The following SLC39A11 variants were observed in gnomAD, a reference collection of about 807,000 sequenced individuals.
SLC39A11 encodes zinc transporter ZIP11.
A neutral mutation model predicts 36.1 loss-of-function variants in SLC39A11; 33 were observed. The ratio of observed to expected loss-of-function variants is 0.91; its 90% CI spans 0.69 to 1.22. The LOEUF (loss-of-function observed/expected upper bound fraction) is 1.22, where lower values mean the gene tolerates loss of function less well. Ranked by LOEUF, SLC39A11 falls within the 50% of genes most tolerant of loss-of-function variation. SLC39A11 has a pLI of 0.00. For synonymous variants in SLC39A11, 166 were observed against 170.3 expected (o/e 0.97, Z 0.20); for missense variants, 432 against 430.3 (o/e 1.00, Z -0.03).
chr17:72,813,339 G>A (rs1161740125), intron 6 of SLC39A11, among the ~76,000 whole-genome samples: 1 of 152,142 alleles, frequency 6.6e-6, no homozygotes, highest in Non-Finnish European at 1.5e-5. Context: ...TTTGTTTAAA[G>A]TGCTCTAAAA....
At chr17:72,652,400 C>T (rs1443302599) in intron 7 of SLC39A11, among the ~76,000 whole-genome samples, 1 of 152,210 alleles carries the variant, frequency 6.6e-6, no homozygotes, top group Non-Finnish European at 1.5e-5. Context: ...AGCTGTGCTA[C>T]TTTCCATTTC....
At chr17:72,852,830 C>G (rs1417298462) in intron 5 of SLC39A11, among the ~76,000 whole-genome samples, 1 of 152,108 alleles carries the variant, frequency 6.6e-6, no homozygotes, top group Non-Finnish European at 1.5e-5. Context: ...CAAAGCAGTC[C>G]CTGAGAGCTG....
chr17:72,749,568 G>A (rs530804969), intron 6 of SLC39A11, among the ~76,000 whole-genome samples: 1 of 152,252 alleles, frequency 6.6e-6, no homozygotes, highest in East Asian at 1.9e-4. Context: ...GGTCAGACGG[G>A]AATTATTTTT....
intron 4 of SLC39A11, among the ~76,000 whole-genome samples, chr17:73,017,527 T>A (rs1478797030): frequency 6.6e-6 from 1 of 151,854 alleles, no homozygotes; most frequent in Non-Finnish European, 1.5e-5. Context: ...AGCCTGAGCA[T>A]CATGGTGAAA....
At chr17:72,982,830 G>A (rs34236364) in intron 4 of SLC39A11, among the ~76,000 whole-genome samples, 78,898 of 151,950 alleles carry the variant, frequency 0.52, 21,434 homozygotes, top group Middle Eastern at 0.7. Context: ...GGCAGCAAGT[G>A]CAGCTAAAAT....
chr17:72,879,036 G>A (rs2081058950), intron 5 of SLC39A11, among the ~76,000 whole-genome samples: 3 of 152,202 alleles, frequency 2.0e-5, no homozygotes, highest in African/African-American at 7.2e-5. Context: ...TATTTTAAAG[G>A]ATACAGATGA....
intron 7 of SLC39A11, among the ~76,000 whole-genome samples, chr17:72,694,522 G>T (rs116399423): frequency 0.016 from 2,441 of 152,298 alleles, 71 homozygotes; most frequent in African/African-American, 0.057. Context: ...GGCTCTGTGG[G>T]GCTCCCCTCC....
chr17:72,918,927 G>A (rs1870358570), intron 5 of SLC39A11, among the ~76,000 whole-genome samples: 1 of 152,086 alleles, frequency 6.6e-6, no homozygotes, highest in African/African-American at 2.4e-5. Context: ...GCTGGGCGTG[G>A]TGGTATGTAC....
At chr17:72,823,500 T>A (rs919253156) in intron 6 of SLC39A11, 1 of 151,264 alleles carries the variant, frequency 6.6e-6, no homozygotes, top group Non-Finnish European at 1.5e-5. Flanking sequence ...GTTCCCACGC[T>A]GCATATGTTC....
At chr17:72,912,256 G>C (rs2083051725) in intron 5 of SLC39A11, among the ~76,000 whole-genome samples, 2 of 151,982 alleles carry the variant, frequency 1.3e-5, no homozygotes, top group South Asian at 2.1e-4. Flanking sequence ...GAAGCCTGGA[G>C]AGCTGGAACT....
At chr17:72,851,755 A>ACCAATTAAGCTAT (rs988186994) in intron 5 of SLC39A11, among the ~76,000 whole-genome samples, 20 of 152,238 alleles carry the variant, frequency 1.3e-4, no homozygotes, top group Non-Finnish European at 2.4e-4. Flanking sequence ...CCTAACTGTA[A>ACCAATTAAGCTAT]CCAATTAAGC....
intron 3 of SLC39A11, among the ~76,000 whole-genome samples, chr17:73,045,490 A>T (rs888136635): frequency 6.6e-6 from 1 of 151,204 alleles, no homozygotes; most frequent in East Asian, 1.9e-4. Flanking sequence ...CTCAGCCAAC[A>T]TTTACTAAGC....
At chr17:72,752,861 T>G (rs762868221) in intron 6 of SLC39A11, among the ~76,000 whole-genome samples, 12 of 152,214 alleles carry the variant, frequency 7.9e-5, no homozygotes, top group African/African-American at 1.4e-4. Flanking sequence ...GGTGGTGGTG[T>G]TGTTTTGATT....
At chr17:72,976,248 T>A (rs2087843369) in intron 4 of SLC39A11, among the ~76,000 whole-genome samples, 2 of 151,486 alleles carry the variant, frequency 1.3e-5, no homozygotes, top group African/African-American at 4.9e-5. Flanking sequence ...TTTAAATTAT[T>A]ATTATTATTT....
intron 7 of SLC39A11, among the ~76,000 whole-genome samples, chr17:72,694,157 G>A (rs532231551): frequency 4.5e-4 from 68 of 152,294 alleles, no homozygotes; most frequent in Non-Finnish European, 7.5e-4. Flanking sequence ...TGGAGCCAGC[G>A]GTGGGTGAGG....
At chr17:73,025,655 C>CAAGAAAAGAAGATCGAAATAGAGTCAG (rs2058509725) in intron 4 of SLC39A11, among the ~76,000 whole-genome samples, 1 of 152,006 alleles carries the variant, frequency 6.6e-6, no homozygotes, top group African/African-American at 2.4e-5. Context: ...TGCACATATG[C>CAAGAAAAGAAGATCGAAATAGAGTCAG]AAGAAAAGAA....
chr17:72,692,803 C>A (rs1335900154), intron 7 of SLC39A11, among the ~76,000 whole-genome samples: 1 of 152,106 alleles, frequency 6.6e-6, no homozygotes, highest in Non-Finnish European at 1.5e-5. Flanking sequence ...CACAGGACAA[C>A]TTGGGACTGG....
chr17:73,068,280 C>T, intron 3 of SLC39A11: 1 of 677,130 alleles, frequency 1.5e-6, no homozygotes, highest in Admixed American at 2.5e-5. Flanking sequence ...GACTGCGGCT[C>T]CTCCACCATC....
At chr17:72,907,564 C>T (rs575265902) in intron 5 of SLC39A11, among the ~76,000 whole-genome samples, 3 of 152,224 alleles carry the variant, frequency 2.0e-5, no homozygotes, top group East Asian at 1.9e-4. Flanking sequence ...CCATGTGGAG[C>T]GGGCAGAACT....
Sources: allele counts gnomAD v4.1 joint callset (sites outside exome capture counted in the v4.1 genomes callset), GRCh38; gene constraint gnomAD v4.1.1; transcripts MANE v1.5; gene names NCBI Gene and HGNC (gene_info 2026-07-23, HGNC 2026-07-21).